The following SLC35D1 variants were observed in gnomAD, a reference collection of about 807,000 sequenced individuals.
SLC35D1 encodes the protein nucleotide sugar transporter SLC35D1.
SLC35D1 carries 31 observed loss-of-function variants against 46.7 expected under a neutral mutation model. The ratio of observed to expected loss-of-function variants is 0.66; its 90% CI spans 0.50 to 0.90. The LOEUF is 0.90. Among genes scored for constraint, SLC35D1 ranks in the 40% least tolerant of loss-of-function variants. The probability of loss-of-function intolerance (pLI) is 0.00; values close to 1 mark genes in which losing one functional copy is unlikely to be tolerated. For missense variants in SLC35D1, 397 were observed against 426.2 expected (o/e 0.93, Z 0.60); for synonymous variants, 195 against 164.6 (o/e 1.18, Z -1.41).
chr1:66,984,678 A>C, the SLC35D1 span: 2 of 1,614,018 alleles, frequency 1.2e-6, no homozygotes, highest in Admixed American at 3.3e-5. Context: ...CACTTCATGC[A>C]GATATGGATA....
chr1:66,986,085 G>C, the SLC35D1 span: 1 of 1,049,480 alleles, frequency 9.5e-7, no homozygotes. Flanking sequence ...TTAGATATTG[G>C]CACACACAAG....
chr1:67,052,625 C>T (rs915621650), intron 3 of SLC35D1, 146 bp downstream of exon 3: 3 of 732,868 alleles, frequency 4.1e-6, no homozygotes, highest in African/African-American at 3.5e-5. Context: ...ACACATATTA[C>T]TACTTTTATT....
rs1667349444 is a variant in SLC35D1, at chr1:67,001,989, G to A, written c.*2351C>T. 1 of 152,412 alleles carries A rather than the reference G, an allele frequency of 6.6e-6. No individual in the cohort carries two copies. Among genetic ancestry groups the A allele is most frequent in the African/African-American group, 2.4e-5 (1 of 41,560 alleles). 9.4% of individuals were successfully genotyped at this position (152,412 alleles called of 1,614,324 possible). On this transcript the variant is annotated 3_prime_UTR_variant, in exon 12 of 12. Transcript: ENST00000235345. ...CTGAAGAGGTGACAGATCTCCTAGG[G>A]AACCTGACCCCCAAGAGGCAGTTCA...
At chr1:66,990,189 G>A in the SLC35D1 span, among the ~76,000 whole-genome samples, 1 of 152,168 alleles carries the variant, frequency 6.6e-6, no homozygotes, top group East Asian at 1.9e-4. Flanking sequence ...GGCCTCCTTT[G>A]TTGTCTTATG....
At chr1:66,974,354 T>G in the SLC35D1 span, among the ~76,000 whole-genome samples, 1 of 152,076 alleles carries the variant, frequency 6.6e-6, no homozygotes, top group Non-Finnish European at 1.5e-5. Flanking sequence ...TGACTGGCCG[T>G]GTATGTTTTT....
rs978149212 is a variant in SLC35D1, at chr1:67,003,174, G to A, written c.*1166C>T. ...AAAAACCAACCATTGACAATACAAA[G>A]ACGTCTAACCAGCCTTTCCCCTCAA... On this transcript the variant is annotated 3_prime_UTR_variant, in exon 12 of 12. Transcript: ENST00000235345. 8 of 152,340 alleles carry A rather than the reference G, an allele frequency of 5.3e-5. No individual in the cohort carries two copies. The highest frequency in any genetic ancestry group is 1.9e-4 in the African/African-American group (8 of 41,446). The allele number at this position is 152,340 out of a possible 1,614,324, so 9.4% of individuals were successfully genotyped here. A position where few individuals can be genotyped will look rare whatever the true frequency, so the allele number is the denominator to read the frequency against.
At chr1:66,986,595 C>A in the SLC35D1 span, 1 of 792,566 alleles carries the variant, frequency 1.3e-6, no homozygotes. Context: ...TATGTTCGGA[C>A]TGCTTCCCTT....
chr1:66,973,497 T>C, the SLC35D1 span, among the ~76,000 whole-genome samples: 1 of 152,124 alleles, frequency 6.6e-6, no homozygotes, highest in African/African-American at 2.4e-5. Flanking sequence ...CAGCTTTATA[T>C]TCTTATAGTT....
chr1:66,990,451 T>TAGAC, the SLC35D1 span, among the ~76,000 whole-genome samples: 47 of 151,986 alleles, frequency 3.1e-4, no homozygotes, highest in Non-Finnish European at 2.9e-5. Flanking sequence ...TATTTTTTTG[T>TAGAC]AGACAGGGTT....
intron 10 of SLC35D1, 23 bp from the exon 11 acceptor site, chr1:67,009,190 A>G: frequency 1.1e-6 from 1 of 914,174 alleles, no homozygotes; most frequent in South Asian, 1.6e-5. Context: ...ATAGTAATAT[A>G]CTGTTATATA....
At chr1:66,977,802 T>TA in the SLC35D1 span, among the ~76,000 whole-genome samples, 3 of 151,812 alleles carry the variant, frequency 2.0e-5, no homozygotes, top group African/African-American at 4.8e-5. Context: ...GTTTACAGAA[T>TA]AAAAAAATAA....
intron 7 of SLC35D1, 109 bp downstream of exon 7, chr1:67,047,154 CTA>C: frequency 1.3e-6 from 1 of 794,990 alleles, no homozygotes. Flanking sequence ...CAGAGAGCCA[CTA>C]TGTCTTTCTC....
intron 3 of SLC35D1, among the ~76,000 whole-genome samples, chr1:67,052,364 T>C (rs1281576140): frequency 2.6e-5 from 4 of 152,134 alleles, no homozygotes; most frequent in Non-Finnish European, 2.9e-5. Context: ...AATATGATAA[T>C]GTATTAGAGC....
At chr1:66,994,281 G>A in the SLC35D1 span, among the ~76,000 whole-genome samples, 13 of 152,208 alleles carry the variant, frequency 8.5e-5, no homozygotes, top group Non-Finnish European at 1.9e-4. Context: ...GCAGCACCCT[G>A]AGAACTGCCA....
the SLC35D1 span, among the ~76,000 whole-genome samples, chr1:66,979,918 C>T: frequency 2.0e-5 from 3 of 152,104 alleles, no homozygotes. Flanking sequence ...GCATGCGCCA[C>T]CACACCCGGC....
At position 67,021,555 on chromosome 1, in the gene SLC35D1, G is replaced by T. The variant is rs375507311; in HGVS notation, c.777C>A (p.Phe259Leu). 2 of 1,613,874 alleles carry T rather than the reference G, an allele frequency of 1.2e-6. No individual in the cohort carries two copies. The highest frequency in any genetic ancestry group is 1.7e-6 in the Non-Finnish European group (2 of 1,179,912). ...GWADTLFLLQ[F>L]TLSCVMGFIL... ...CTTACCCCATCACACAGGAGAGGGT[G>T]AACTGCAGAAGAAAGAGGGTGTCAG... The change falls in exon 9 of 12, where the codon TTC (phenylalanine) becomes TTA (leucine). Residue 259 changes from phenylalanine (F) to leucine (L), a missense_variant. Phe to Leu is a conservative substitution (Grantham distance 22). Coordinates refer to ENST00000235345, the MANE Select transcript of SLC35D1 (RefSeq NM_015139.3).
At chr1:67,004,874 C>T (rs1425939101) in intron 11 of SLC35D1, among the ~76,000 whole-genome samples, 2 of 152,022 alleles carry the variant, frequency 1.3e-5, no homozygotes, top group East Asian at 3.9e-4. Flanking sequence ...TAATAGGAAA[C>T]ATCCCAAATT....
downstream of SLC35D1, among the ~76,000 whole-genome samples, chr1:66,997,664 C>T (rs1185274008): frequency 7.4e-6 from 1 of 134,890 alleles, no homozygotes; most frequent in Non-Finnish European, 1.6e-5. Context: ...TATGTATTTA[C>T]AACATATACA....
Position 67,000,256 on chromosome 1 carries a change from C to A in SLC35D1, c.*4084G>T, listed in dbSNP as rs1468495354. 6.6e-6 allele frequency: 1 copy of A among 150,950 alleles called. No individual in the cohort carries two copies. Among genetic ancestry groups the A allele is most frequent in the Admixed American group, 6.6e-5 (1 of 15,186 alleles). 9.4% of individuals were successfully genotyped at this position (150,950 alleles called of 1,614,324 possible). ...CTATGATTACGCCATTACACTCCAG[C>A]CTGGCTGGCGACAGAGCAAGACCTT... On this transcript the variant is annotated 3_prime_UTR_variant, in exon 12 of 12. Transcript: ENST00000235345.
Sources: gnomAD v4.1 joint callset for allele counts (sites outside exome capture counted in the v4.1 genomes callset) on GRCh38, gnomAD v4.1.1 for gene constraint, MANE v1.5 for transcripts, NCBI Gene and HGNC (gene_info 2026-07-23, HGNC 2026-07-21) for gene names.